The following CASR variants were observed in gnomAD, a reference collection of about 807,000 sequenced individuals.
CASR encodes calcium sensing receptor, also known as extracellular calcium-sensing receptor.
CASR carries 23 observed loss-of-function variants against 69.1 expected under a neutral mutation model. The ratio of observed to expected loss-of-function variants is 0.33; its 90% CI spans 0.24 to 0.47. CASR has a LOEUF of 0.47. Among genes scored for constraint, CASR ranks in the 20% least tolerant of loss-of-function variants. CASR has a pLI of 1.00. For missense variants in CASR, 924 were observed against 1,356.1 expected, an observed-to-expected ratio of 0.68 and a Z score of 5.00; for synonymous variants, 541 against 544.7, an observed-to-expected ratio of 0.99 and a Z score of 0.10.
chr3:122,189,737 G>C (rs1199143817), intron 1 of CASR, among the ~76,000 whole-genome samples: 2 of 151,996 alleles, frequency 1.3e-5, no homozygotes, highest in African/African-American at 4.8e-5. Context: ...CATATTTTTT[G>C]TTTATCTTTT....
intron 4 of CASR, among the ~76,000 whole-genome samples, chr3:122,275,004 C>T (rs890506533): frequency 4.6e-5 from 7 of 152,146 alleles, no homozygotes; most frequent in Non-Finnish European, 1.0e-4. Context: ...GATTGTGACC[C>T]TGGACGAGAT....
chr3:122,216,134 T>A (rs75045084), intron 1 of CASR, among the ~76,000 whole-genome samples: 1 of 152,224 alleles, frequency 6.6e-6, no homozygotes, highest in Non-Finnish European at 1.5e-5. Flanking sequence ...AGTATATTTG[T>A]CAAATTAATC....
intron 1 of CASR, among the ~76,000 whole-genome samples, chr3:122,229,428 A>T (rs1321197730): frequency 6.6e-6 from 1 of 152,272 alleles, no homozygotes; most frequent in South Asian, 2.1e-4. Context: ...GAACAAATGA[A>T]GTGAGTTAGA....
At chr3:122,191,260 T>A (rs1326538466) in intron 1 of CASR, among the ~76,000 whole-genome samples, 3 of 152,218 alleles carry the variant, frequency 2.0e-5, no homozygotes, top group Non-Finnish European at 1.5e-5. Flanking sequence ...AGGAAAATAT[T>A]GATAGATTTC....
intron 1 of CASR, among the ~76,000 whole-genome samples, chr3:122,190,850 G>A (rs1262616030): frequency 1.3e-5 from 2 of 152,168 alleles, no homozygotes; most frequent in African/African-American, 2.4e-5. Context: ...TAAATAAGGC[G>A]GCTGAGCAGG....
chr3:122,204,006 T>A (rs980004843), intron 1 of CASR, among the ~76,000 whole-genome samples: 5 of 152,214 alleles, frequency 3.3e-5, no homozygotes, highest in African/African-American at 1.2e-4. Flanking sequence ...TGGATACCTG[T>A]GATAATTTAA....
chr3:122,216,725 G>A (rs1019113304), intron 1 of CASR, among the ~76,000 whole-genome samples: 3 of 152,164 alleles, frequency 2.0e-5, no homozygotes, highest in Admixed American at 1.3e-4. Flanking sequence ...TATTTTGGGT[G>A]TTATTATTAT....
At chr3:122,263,738 G>A (rs987475604) in intron 4 of CASR, among the ~76,000 whole-genome samples, 29 of 152,162 alleles carry the variant, frequency 1.9e-4, no homozygotes, top group African/African-American at 6.0e-4. Flanking sequence ...GTTGGCTAAA[G>A]TTTCTAACTT....
chr3:122,190,779 A>T (rs1244081047), intron 1 of CASR, among the ~76,000 whole-genome samples: 1 of 152,244 alleles, frequency 6.6e-6, no homozygotes, highest in Admixed American at 6.5e-5. Flanking sequence ...TATAACAGTC[A>T]GCAATTGACA....
intron 6 of CASR, among the ~76,000 whole-genome samples, chr3:122,282,900 A>T (rs2074909748): frequency 6.6e-6 from 1 of 152,246 alleles, no homozygotes; most frequent in Admixed American, 6.5e-5. Context: ...TCAAAGTCAC[A>T]TCACTAGTAA....
intron 6 of CASR, 68 bp downstream of exon 6, chr3:122,282,304 C>A: frequency 6.7e-7 from 1 of 1,497,086 alleles, no homozygotes; most frequent in Non-Finnish European, 9.3e-7. Context: ...TCAGTGAAGC[C>A]CATGGAAGGG....
Position 122,287,949 on chromosome 3 carries a change from T to G in CASR, c.*2758T>G, listed in dbSNP as rs2107653959. The G allele has an allele frequency of 6.6e-6, 1 of 152,380 alleles. No homozygotes were observed. The highest frequency in any genetic ancestry group is 2.1e-4 in the South Asian group (1 of 4,828). The allele number at this position is 152,380 out of a possible 1,614,324, so 9.4% of individuals were successfully genotyped here. Reference sequence around the variant, plus strand: ...GAAACAGGGTACATGTCTCCAAACCTGAATAGACTTCGTAGTGGGCAAATA... The same window carrying G: ...GAAACAGGGTACATGTCTCCAAACCGGAATAGACTTCGTAGTGGGCAAATA... On this transcript the variant is annotated 3_prime_UTR_variant, in exon 7 of 7. Coordinates refer to ENST00000639785, the MANE Select transcript of CASR (RefSeq NM_000388.4).
rs142610549 is a variant in CASR, at chr3:122,199,283, G to A, written c.-243+15471G>A. The stretch of plus-strand genomic sequence containing the variant: ...CACTGCAAGTTCTTCCTCTTGGCTC[G>A]CTTTGGCCTTCTATTCAATCTGAGA... On this transcript the variant is annotated intron_variant, in intron 1 of 6. Coordinates refer to ENST00000639785, the MANE Select transcript of CASR (RefSeq NM_000388.4). Among the ~76,000 whole-genome samples the A allele has an allele frequency of 3.3e-3, 508 of 152,240 alleles. 2 individuals carry two copies. Among genetic ancestry groups the A allele is most frequent in the Non-Finnish European group, 5.7e-3 (386 of 68,008 alleles).
chr3:122,291,431 G>A lies in CASR; in HGVS notation c.*6240G>A, dbSNP rs995187496. 2.0e-5 allele frequency: 3 copies of A among 151,954 alleles called. No individual in the cohort carries two copies. Among genetic ancestry groups the A allele is most frequent in the Non-Finnish European group, 4.4e-5 (3 of 67,982 alleles). The allele number at this position is 151,954 out of a possible 1,614,324, so 9.4% of individuals were successfully genotyped here. A position where few individuals can be genotyped will look rare whatever the true frequency, so the allele number is the denominator to read the frequency against. On this transcript the variant is annotated 3_prime_UTR_variant, in exon 7 of 7. Coordinates refer to ENST00000639785, the MANE Select transcript of CASR (RefSeq NM_000388.4). Reference sequence around the variant, plus strand: ...TTTAATGATCGCCATTCTAACTGGTGTGAGATGGTATCTCATTGTGGTTTT... The same window carrying A: ...TTTAATGATCGCCATTCTAACTGGTATGAGATGGTATCTCATTGTGGTTTT...
chr3:122,267,762 A>C (rs2074710765), intron 4 of CASR, among the ~76,000 whole-genome samples: 1 of 152,134 alleles, frequency 6.6e-6, no homozygotes, highest in South Asian at 2.1e-4. Flanking sequence ...GTGTATATAA[A>C]TTATACCTCA....
At chr3:122,187,677 G>A (rs926014108) in intron 1 of CASR, among the ~76,000 whole-genome samples, 2 of 152,236 alleles carry the variant, frequency 1.3e-5, no homozygotes, top group Non-Finnish European at 2.9e-5. Context: ...CTTGAAAGAT[G>A]AGGAGTGACA....
chr3:122,285,845 G>T lies in CASR; in HGVS notation c.*654G>T. ...CACCTCAAATTGTTAGGAAGGGACT[G>T]CATAAACCAATGAGCTGTATCTGTA... On this transcript the variant is annotated 3_prime_UTR_variant, in exon 7 of 7. Transcript: ENST00000639785. 1 of 156,174 alleles carries T rather than the reference G, an allele frequency of 6.4e-6. No homozygotes were observed. The highest frequency in any genetic ancestry group is 6.2e-5 in the Admixed American group (1 of 16,180). 9.7% of individuals were successfully genotyped at this position (156,174 alleles called of 1,614,324 possible).
In CASR at chr3:122,283,999, C is replaced by T. The variant is rs1553768989; in HGVS notation, c.2045C>T (p.Pro682Leu). The T allele has an allele frequency of 6.2e-7, 1 of 1,613,884 alleles. No individual in the cohort carries two copies. Among genetic ancestry groups the T allele is most frequent in the Middle Eastern group, 1.6e-4 (1 of 6,062 alleles). ...GACTGGACGTGCCGCCTGCGCCAGC[C>T]GGCCTTTGGCATCAGCTTCGTGCTC... is the stretch of plus-strand genomic sequence containing the variant. ...PQDWTCRLRQ[P>L]AFGISFVLCI... Residue 682 changes from proline (P) to leucine (L), a missense_variant, in exon 7 of 7, where the codon CCG (proline) becomes CTG (leucine). By Grantham distance (98) the Pro-to-Leu change is moderately conservative. Around this residue, in one of 8 missense-constraint regions of CASR, gnomAD observed 184 missense variants for 278.8 expected, o/e 0.66. Transcript: ENST00000639785.
intron 1 of CASR, among the ~76,000 whole-genome samples, chr3:122,194,527 G>T (rs4678038): frequency 6.6e-6 from 1 of 151,976 alleles, no homozygotes; most frequent in Non-Finnish European, 1.5e-5. Context: ...AAATAGGCCA[G>T]GTTTCACCCT....
Sources: allele counts gnomAD v4.1 joint callset (sites outside exome capture counted in the v4.1 genomes callset), GRCh38; gene constraint gnomAD v4.1.1; regional missense constraint gnomAD v4.1.1; transcripts MANE v1.5; gene names NCBI Gene and HGNC (gene_info 2026-07-23, HGNC 2026-07-21).